The following FAM220A variants were observed in gnomAD, a reference collection of about 807,000 sequenced individuals.
FAM220A encodes family with sequence similarity 220 member A, also known as protein FAM220A.
For synonymous variants in FAM220A, 141 were observed against 130.7 expected (o/e 1.08, Z -0.54); for missense variants, 392 against 321.6 (o/e 1.22, Z -1.68).
intron 1 of FAM220A, among the ~76,000 whole-genome samples, chr7:6,347,797 T>C (rs1781980369): frequency 6.6e-6 from 1 of 151,674 alleles, no homozygotes; most frequent in African/African-American, 2.4e-5. Flanking sequence ...GGCTCATGCC[T>C]ATAATCCCAG....
At chr7:6,337,794 A>ATTATTTATTTATTTATTTAT (rs142856746) in intron 1 of FAM220A, among the ~76,000 whole-genome samples, 40 of 150,456 alleles carry the variant, frequency 2.7e-4, no homozygotes, top group Non-Finnish European at 5.2e-4. Context: ...ATTTCAATAC[A>ATTATTTATTTATTTATTTAT]TTATTTATTT....
chr7:6,343,495 A>G (rs1273989252), intron 1 of FAM220A, among the ~76,000 whole-genome samples: 4 of 147,504 alleles, frequency 2.7e-5, no homozygotes, highest in Non-Finnish European at 6.0e-5. Context: ...ATATAACTGA[A>G]AAGTTGTAGG....
chr7:6,340,205 A>G (rs1217129035), intron 1 of FAM220A, among the ~76,000 whole-genome samples: 1 of 152,088 alleles, frequency 6.6e-6, no homozygotes, highest in Non-Finnish European at 1.5e-5. Context: ...TTCTGTGAAG[A>G]TTCGATGTAT....
rs533217509 is a variant in FAM220A at position 6,333,924 on chromosome 7, A to G, written c.-81-2689T>C. On this transcript the variant is annotated intron_variant, in intron 1 of 1. Transcript: ENST00000313324. ...TGCAGTGGCGCCATCTCAGCTCACTAAAAGCTCCACCTCCCGGGTTCACGC... is the reference window on the plus strand; with the variant it reads ...TGCAGTGGCGCCATCTCAGCTCACTGAAAGCTCCACCTCCCGGGTTCACGC... Among the ~76,000 whole-genome samples the G allele has an allele frequency of 3.1e-3, 456 of 145,572 alleles. 2 individuals are homozygous for G. Among genetic ancestry groups the G allele is most frequent in the African/African-American group, 9.7e-3 (378 of 38,994 alleles).
chr7:6,346,292 A>C (rs977700733), intron 1 of FAM220A, among the ~76,000 whole-genome samples: 5 of 152,142 alleles, frequency 3.3e-5, no homozygotes, highest in African/African-American at 9.7e-5. Context: ...ATCAGGTATA[A>C]TTTCAGAATG....
intron 1 of FAM220A, among the ~76,000 whole-genome samples, chr7:6,333,505 G>A (rs1781680317): frequency 6.6e-6 from 1 of 152,114 alleles, no homozygotes; most frequent in Non-Finnish European, 1.5e-5. Context: ...TATTGTTGTT[G>A]TTGCTGTTTT....
chr7:6,340,939 C>T (rs1781841519), intron 1 of FAM220A, among the ~76,000 whole-genome samples: 1 of 125,582 alleles, frequency 8.0e-6, no homozygotes, highest in African/African-American at 3.2e-5. Context: ...GTCATCCTGC[C>T]TAACATGGTG....
Position 6,330,257 on chromosome 7 carries a change from C to T in FAM220A, c.*118G>A, listed in dbSNP as rs189037120. 5.1e-6 allele frequency: 5 copies of T among 985,970 alleles called. No homozygotes were observed. The highest frequency in any genetic ancestry group is 2.5e-5 in the East Asian group (1 of 39,266). 61.1% of individuals were successfully genotyped at this position (985,970 alleles called of 1,614,324 possible). On this transcript the variant is annotated 3_prime_UTR_variant, in exon 2 of 2. Transcript: ENST00000313324. ...TCAATTTACTTTAAGTCTGCCAGGT[C>T]GTACAAAACTACAGCAGGAACCTAA... is the stretch of plus-strand genomic sequence containing the variant.
rs111863837 is a variant in FAM220A at position 6,333,168 on chromosome 7, C to CA, written c.-81-1934dup. 3.5e-3 allele frequency among the ~76,000 whole-genome samples: 450 copies of CA among 127,940 alleles called. 3 individuals are homozygous for CA. The highest frequency in any genetic ancestry group is 4.8e-3 in the Non-Finnish European group (272 of 56,978). 83.9% of individuals were successfully genotyped at this position (127,940 alleles called of 152,430 possible). A position where few individuals can be genotyped will look rare whatever the true frequency, so the allele number is the denominator to read the frequency against. On this transcript the variant is annotated intron_variant, in intron 1 of 1. Coordinates refer to ENST00000313324, the MANE Select transcript of FAM220A (RefSeq NM_001037163.2). ...AAGACTCCATCCCAAATAAAAAAAT[C>CA]AAAAAAAAAAAAACAAAAAACAAAA...
intron 1 of FAM220A, among the ~76,000 whole-genome samples, chr7:6,341,672 A>G (rs945118216): frequency 6.7e-5 from 10 of 150,336 alleles, no homozygotes; most frequent in Non-Finnish European, 8.9e-5. Flanking sequence ...CCTGGGCCAC[A>G]GAGCAAGACT....
chr7:6,330,628 G>C lies in FAM220A; in HGVS notation c.527C>G (p.Pro176Arg). ...TTCCAACTCAGAGCCCAGACCCTTG[G>C]GAAAAGCACTTGGTGGGTCATCCTG... ...SFQDDPPSAF[P>R]KGLGSELEPA... Residue 176 changes from proline (P) to arginine (R), a missense_variant, in exon 2 of 2, where the codon CCC becomes CGC. By Grantham distance (103) the Pro-to-Arg change is moderately radical. Transcript: ENST00000313324. The C allele has an allele frequency of 5.0e-6, 8 of 1,614,116 alleles. No individual in the cohort carries two copies. Among genetic ancestry groups the C allele is most frequent in the Non-Finnish European group, 5.9e-6 (7 of 1,180,032 alleles).
chr7:6,335,357 T>C (rs10264479), intron 1 of FAM220A, among the ~76,000 whole-genome samples: 68,959 of 151,388 alleles, frequency 0.46, 16,243 homozygotes, highest in African/African-American at 0.59. Flanking sequence ...TGAGTAGCTG[T>C]GATTACAAGC....
rs1276191537 is a variant in FAM220A, at chr7:6,329,800, GTAAACT to G, written c.*569_*574del. On this transcript the variant is annotated 3_prime_UTR_variant, in exon 2 of 2. Coordinates refer to ENST00000313324, the MANE Select transcript of FAM220A (RefSeq NM_001037163.2). ...GAGTTTGAGAAGGGATCTTCTAAAG[GTAAACT>G]TAATATTGCAACTTTCACCACAGGG... 6.0e-6 allele frequency: 1 copy of G among 166,832 alleles called. No homozygotes were observed. The highest frequency in any genetic ancestry group is 2.4e-5 in the African/African-American group (1 of 41,436). The allele number at this position is 166,832 out of a possible 1,614,324, so 10.3% of individuals were successfully genotyped here.
chr7:6,341,163 G>C (rs1164461848), intron 1 of FAM220A, among the ~76,000 whole-genome samples: 1 of 145,516 alleles, frequency 6.9e-6, no homozygotes, highest in African/African-American at 2.6e-5. Flanking sequence ...AATGAGTGCT[G>C]GCCAGGCACA....
In FAM220A at chr7:6,337,793, C is replaced by T. The variant is rs547333314; in HGVS notation, c.-81-6558G>A. ...TTCTCTCATCAAAAAGATTTCAATA[C>T]ATTATTTATTTATTTATTTATTTAT... On this transcript the variant is annotated intron_variant, in intron 1 of 1. Transcript: ENST00000313324. Among the ~76,000 whole-genome samples the T allele has an allele frequency of 7.0e-5, 10 of 143,076 alleles. 1 individual carries two copies. The South Asian group carries it at 1.9e-3, about 27-fold the overall frequency. 93.9% of individuals were successfully genotyped at this position (143,076 alleles called of 152,430 possible). A position where few individuals can be genotyped will look rare whatever the true frequency, so the allele number is the denominator to read the frequency against.
intron 1 of FAM220A, among the ~76,000 whole-genome samples, chr7:6,339,055 A>G (rs1781800278): frequency 6.6e-6 from 1 of 152,152 alleles, no homozygotes; most frequent in South Asian, 2.1e-4. Context: ...GGATTTCCAC[A>G]CAGCCTAGAG....
intron 1 of FAM220A, among the ~76,000 whole-genome samples, chr7:6,347,907 A>ATTATTG (rs1781985362): frequency 6.8e-6 from 1 of 146,164 alleles, no homozygotes; most frequent in Non-Finnish European, 1.5e-5. Flanking sequence ...TATTATTATT[A>ATTATTG]TTATTATTAT....
At chr7:6,334,549 A>T (rs1289836832) in intron 1 of FAM220A, among the ~76,000 whole-genome samples, 4 of 151,436 alleles carry the variant, frequency 2.6e-5, no homozygotes, top group Non-Finnish European at 5.9e-5. Context: ...CTTACTGCAA[A>T]CTCTGCCTCC....
chr7:6,336,900 C>G (rs980219447), intron 1 of FAM220A, among the ~76,000 whole-genome samples: 1 of 152,080 alleles, frequency 6.6e-6, no homozygotes, highest in Non-Finnish European at 1.5e-5. Context: ...GTGATCCGCC[C>G]ACCTCAGCCT....
Sources: gnomAD v4.1 joint callset for allele counts (sites outside exome capture counted in the v4.1 genomes callset) on GRCh38, gnomAD v4.1.1 for gene constraint, MANE v1.5 for transcripts, NCBI Gene and HGNC (gene_info 2026-07-23, HGNC 2026-07-21) for gene names.